FAM120B: variants seen among roughly 807,000 people sequenced by gnomAD.
FAM120B encodes constitutive coactivator of peroxisome proliferator-activated receptor gamma.
In FAM120B, 83 loss-of-function variants were observed where a neutral mutation model predicts 96.3. The ratio of observed to expected loss-of-function variants is 0.86; its 90% CI spans 0.72 to 1.03. FAM120B has a LOEUF of 1.03. Among genes scored for constraint, FAM120B ranks in the 50% least tolerant of loss-of-function variants. The pLI is 0.00. For missense variants in FAM120B, 1,027 were observed against 1,121.2 expected (o/e 0.92, Z 1.20); for synonymous variants, 407 against 402.7 (o/e 1.01, Z -0.13).
intron 5 of FAM120B, among the ~76,000 whole-genome samples, chr6:170,355,145 G>A (rs1787822609): frequency 6.6e-6 from 1 of 152,126 alleles, no homozygotes; most frequent in African/African-American, 2.4e-5. Flanking sequence ...TTCAACAATT[G>A]TGGAAGACAG....
intron 7 of FAM120B, among the ~76,000 whole-genome samples, chr6:170,390,023 A>C (rs913810397): frequency 1.2e-4 from 18 of 152,364 alleles, no homozygotes; most frequent in Admixed American, 1.2e-3. Context: ...TAATAAATAC[A>C]ATCGCTACAT....
intron 6 of FAM120B, among the ~76,000 whole-genome samples, chr6:170,376,854 A>G (rs1789554120): frequency 6.6e-6 from 1 of 152,184 alleles, no homozygotes; most frequent in Non-Finnish European, 1.5e-5. Context: ...AACCCCCTAG[A>G]GAAGAGGAGG....
chr6:170,383,495 A>AAAG (rs1790030613), intron 6 of FAM120B, among the ~76,000 whole-genome samples: 1 of 152,240 alleles, frequency 6.6e-6, no homozygotes, highest in Non-Finnish European at 1.5e-5. Flanking sequence ...TAGGCCAAAG[A>AAAG]TAGACATTTT....
At chr6:170,367,437 A>G (rs1474331420) in intron 6 of FAM120B, among the ~76,000 whole-genome samples, 1 of 152,264 alleles carries the variant, frequency 6.6e-6, no homozygotes, top group Admixed American at 6.5e-5. Context: ...AGCCATGCTC[A>G]GTCATTTGCA....
intron 6 of FAM120B, among the ~76,000 whole-genome samples, chr6:170,383,839 T>C (rs1423654636): frequency 6.6e-6 from 1 of 152,222 alleles, no homozygotes; most frequent in East Asian, 1.9e-4. Context: ...TCATAGCAGC[T>C]GTATTTGTAG....
chr6:170,292,428 A>G, upstream of FAM120B, among the ~76,000 whole-genome samples: 1 of 151,174 alleles, frequency 6.6e-6, no homozygotes, highest in East Asian at 1.9e-4. The surrounding 1 kb of genome is among the most constrained non-coding windows in gnomAD (Gnocchi z 6.6). Context: ...CACCCCCAAC[A>G]CCTCCGTAGC....
chr6:170,375,077 A>AGAGCTGGGGC (rs1789427288), intron 6 of FAM120B, among the ~76,000 whole-genome samples: 1 of 152,226 alleles, frequency 6.6e-6, no homozygotes, highest in Admixed American at 6.5e-5. Flanking sequence ...AGGTGGTGAG[A>AGAGCTGGGGC]GAGCTGGGGC....
In FAM120B at chr6:170,317,953, G is replaced by T. The variant is rs1226113160; in HGVS notation, c.563G>T (p.Cys188Phe). The T allele has an allele frequency of 3.1e-6, 5 of 1,613,954 alleles. No homozygotes were observed. The change falls in exon 2 of 11, where the codon TGT (cysteine) becomes TTT (phenylalanine). Residue 188 changes from cysteine to phenylalanine, a missense_variant. By Grantham distance (205) the Cys-to-Phe change is radical. Coordinates refer to ENST00000476287, the MANE Select transcript of FAM120B (RefSeq NM_032448.3). Reference sequence around the variant, plus strand: ...ACTGATTACCTAATCTATGACACTTGTCCCTACTTTTCAATTAGCGAGCTC... The same window carrying T: ...ACTGATTACCTAATCTATGACACTTTTCCCTACTTTTCAATTAGCGAGCTC... ...EDTDYLIYDT[C>F]PYFSISELCL...
chr6:170,301,778 T>G (rs1784147078), upstream of FAM120B, among the ~76,000 whole-genome samples: 1 of 152,222 alleles, frequency 6.6e-6, no homozygotes, highest in South Asian at 2.1e-4. Context: ...AACAACTTCC[T>G]CATCTCCATC....
At chr6:170,294,694 G>A (rs1421336781), upstream of FAM120B, among the ~76,000 whole-genome samples, 2 of 152,176 alleles carry the variant, frequency 1.3e-5, no homozygotes, top group Non-Finnish European at 2.9e-5. This position sits in a 1 kb window ranked among gnomAD's most constrained non-coding sequence, Gnocchi z 7.9. Context: ...AGGTTCGTGT[G>A]TGGTGGTGAC....
At chr6:170,310,069 G>C (rs1387435009) in intron 1 of FAM120B, among the ~76,000 whole-genome samples, 1 of 152,184 alleles carries the variant, frequency 6.6e-6, no homozygotes, top group African/African-American at 2.4e-5. Flanking sequence ...TCTAACTGCT[G>C]TCAGTTTTCC....
intron 6 of FAM120B, 31 bp from the exon 7 acceptor site, chr6:170,388,256 A>G (rs760346933): frequency 6.2e-7 from 1 of 1,600,028 alleles, no homozygotes; most frequent in African/African-American, 1.3e-5. Context: ...CTCCTGTCTT[A>G]CATTTTTGGT....
At chr6:170,377,358 A>T (rs28628018) in intron 6 of FAM120B, among the ~76,000 whole-genome samples, 31 of 48,934 alleles carry the variant, frequency 6.3e-4, no homozygotes, top group South Asian at 1.9e-3. Context: ...GCGTCCCTAA[A>T]CCCAGACGCC....
At chr6:170,355,678 C>T (rs1222887753) in intron 5 of FAM120B, among the ~76,000 whole-genome samples, 1 of 152,028 alleles carries the variant, frequency 6.6e-6, no homozygotes, top group African/African-American at 2.4e-5. Flanking sequence ...ACGTGTTTAC[C>T]TATGTAACAA....
intron 9 of FAM120B, among the ~76,000 whole-genome samples, chr6:170,401,090 C>T (rs1053911585): frequency 1.3e-5 from 2 of 152,238 alleles, no homozygotes; most frequent in African/African-American, 4.8e-5. Flanking sequence ...AGCATAATGA[C>T]TTTCCATAGG....
chr6:170,351,814 A>G (rs1275296649), intron 5 of FAM120B, among the ~76,000 whole-genome samples: 6 of 152,250 alleles, frequency 3.9e-5, no homozygotes, highest in Non-Finnish European at 8.8e-5. Context: ...AGCCAAAACT[A>G]TTACCAGCCA....
upstream of FAM120B, among the ~76,000 whole-genome samples, chr6:170,305,027 G>A (rs1335888628): frequency 2.6e-5 from 4 of 152,134 alleles, no homozygotes; most frequent in South Asian, 8.3e-4. Context: ...CTCACACGGT[G>A]GAAAGTGGGC....
chr6:170,360,054 C>T (rs564289566), intron 6 of FAM120B, among the ~76,000 whole-genome samples: 153 of 152,244 alleles, frequency 1.0e-3, no homozygotes, highest in Non-Finnish European at 1.8e-3. Flanking sequence ...GCCTCACCTG[C>T]TCCCCTCTTC....
At chr6:170,387,259 C>T (rs1331723867) in intron 6 of FAM120B, among the ~76,000 whole-genome samples, 1 of 152,228 alleles carries the variant, frequency 6.6e-6, no homozygotes, top group African/African-American at 2.4e-5. Context: ...AATCTCAGTT[C>T]ATGATACGTT....
Sources: allele counts gnomAD v4.1 joint callset (sites outside exome capture counted in the v4.1 genomes callset), GRCh38; gene constraint gnomAD v4.1.1; non-coding constraint Gnocchi (gnomAD v3.1); transcripts MANE v1.5; gene names NCBI Gene and HGNC (gene_info 2026-07-23, HGNC 2026-07-21).